Variants in UBAP2L observed in about 807,000 individuals in gnomAD.
UBAP2L encodes the protein ubiquitin associated protein 2 like.
In UBAP2L, 12 loss-of-function variants were observed where a neutral mutation model predicts 130.6. That is an observed-to-expected ratio of 0.09 (90% CI 0.06 to 0.15). The LOEUF (loss-of-function observed/expected upper bound fraction) is 0.15. UBAP2L is among the 10% of genes least tolerant of loss of function. UBAP2L has a pLI of 1.00. For missense variants in UBAP2L, 965 were observed against 1,332.5 expected, an observed-to-expected ratio of 0.72 and a Z score of 4.29; for synonymous variants, 503 against 524.7, an observed-to-expected ratio of 0.96 and a Z score of 0.57.
intron 5 of UBAP2L, 106 bp downstream of exon 5, chr1:154,234,865 T>G: frequency 1.4e-6 from 2 of 1,480,550 alleles, no homozygotes; most frequent in Non-Finnish European, 1.8e-6. Context: ...TATATTATCC[T>G]TTTGCTTTTC....
At position 154,251,227 on chromosome 1, in the gene UBAP2L, C is replaced by T. The variant is rs772226561; in HGVS notation, c.1400C>T (p.Ser467Leu). Reference sequence around the variant, plus strand: ...AAATCCACATCGGCTCCACAGATGTCGCCTGGATCTTCAGACAACCAGTCC... The same window carrying T: ...AAATCCACATCGGCTCCACAGATGTTGCCTGGATCTTCAGACAACCAGTCC... Reference protein sequence around the residue: ...PSKSTSAPQMSPGSSDNQSSS... With the variant: ...PSKSTSAPQMLPGSSDNQSSS... The change falls in exon 13 of 27, where the codon TCG (serine) becomes TTG (leucine). Residue 467 changes from serine (S) to leucine (L), a missense_variant. This residue lies in a region of UBAP2L where 74 missense variants were observed against 97.1 expected (regional missense o/e 0.76). Coordinates refer to ENST00000428931, the MANE Select transcript of UBAP2L (RefSeq NM_014847.4). The T allele has an allele frequency of 4.3e-6, 7 of 1,614,058 alleles. No homozygotes were observed. The highest frequency in any genetic ancestry group is 3.3e-5 in the Admixed American group (2 of 59,984).
intron 9 of UBAP2L, 67 bp downstream of exon 9, chr1:154,241,632 T>C (rs1314116275): frequency 2.5e-6 from 4 of 1,598,496 alleles, no homozygotes; most frequent in Admixed American, 1.7e-5. Flanking sequence ...GGATAGAAAA[T>C]GGGTATGTTT....
chr1:154,228,575 A>C, intron 3 of UBAP2L, 40 bp from the exon 4 acceptor site: 1 of 1,477,524 alleles, frequency 6.8e-7, no homozygotes, highest in Non-Finnish European at 9.5e-7. Context: ...GAGTGTGAGC[A>C]TAAGCCTGTT....
At chr1:154,271,194 T>C, downstream of UBAP2L, 1 of 420,214 alleles carries the variant, frequency 2.4e-6, no homozygotes, top group Non-Finnish European at 4.2e-6. Flanking sequence ...ATGGAGAGGA[T>C]CAAGAAGGAG....
At chr1:154,259,702 C>T (rs1680889540) in intron 21 of UBAP2L, 3 of 622,114 alleles carry the variant, frequency 4.8e-6, no homozygotes, top group African/African-American at 1.8e-5. Context: ...TATTGGTCCT[C>T]GTGGACTTTG....
chr1:154,253,501 A>C (rs886804937), intron 14 of UBAP2L, among the ~76,000 whole-genome samples: 6 of 143,850 alleles, frequency 4.2e-5, no homozygotes, highest in African/African-American at 1.3e-4. Context: ...TCTCCTGCCT[A>C]CTCCCAAGTA....
intron 23 of UBAP2L, 105 bp downstream of exon 23, chr1:154,261,214 AC>A: frequency 7.7e-7 from 1 of 1,301,020 alleles, no homozygotes; most frequent in Non-Finnish European, 1.0e-6. Context: ...ATGAGGAGGA[AC>A]AGTTTCCACC....
intron 1 of UBAP2L, among the ~76,000 whole-genome samples, chr1:154,222,809 T>G (rs1473142494): frequency 3.9e-5 from 6 of 152,190 alleles, no homozygotes; most frequent in Non-Finnish European, 7.4e-5. Context: ...AATAAATATT[T>G]GTTATTTAGT....
At position 154,259,938 on chromosome 1, in the gene UBAP2L, T is replaced by G; in HGVS notation, c.2497-10T>G. 6.2e-7 allele frequency: 1 copy of G among 1,613,734 alleles called. No individual in the cohort carries two copies. Among genetic ancestry groups the G allele is most frequent in the African/African-American group, 1.3e-5 (1 of 75,044 alleles). ...ATTGAATCTCTGCTCTTTTTTCCCC[T>G]CTTTTCTAGGATTACTACAGCATCC... On this transcript the variant is annotated splice_polypyrimidine_tract_variant and intron_variant, in intron 21 of 26. Transcript: ENST00000428931.
At chr1:154,241,752 A>G (rs1673697113) in intron 9 of UBAP2L, 187 bp downstream of exon 9, 5 of 985,422 alleles carry the variant, frequency 5.1e-6, no homozygotes, top group Non-Finnish European at 6.0e-6. Context: ...CTGGGCATGA[A>G]CAGGACTCTG....
intron 1 of UBAP2L, among the ~76,000 whole-genome samples, chr1:154,222,263 T>C (rs1666474777): frequency 6.6e-6 from 1 of 152,222 alleles, no homozygotes. Context: ...CCAGCGTTTC[T>C]AGAGAATTAA....
Position 154,243,302 on chromosome 1 carries a change from G to A in UBAP2L, c.842G>A (p.Arg281Lys). The part of the protein sequence containing the change: ...AENVTITAGQ[R>K]IDLAVLLGKT... ...AATGTGACAATCACTGCTGGTCAGAGGCAAGTGTGCAGTAAAATTTAGTAC... is the reference window on the plus strand; with the variant it reads ...AATGTGACAATCACTGCTGGTCAGAAGCAAGTGTGCAGTAAAATTTAGTAC... The change falls in exon 10 of 27, where the codon AGA becomes AAA. Residue 281 changes from arginine (R) to lysine (K), a missense_variant and splice_region_variant. Arg to Lys is a conservative substitution (Grantham distance 26, BLOSUM62 2). Coordinates refer to ENST00000428931, the MANE Select transcript of UBAP2L (RefSeq NM_014847.4). 1 of 1,610,886 alleles carries A rather than the reference G, an allele frequency of 6.2e-7. No homozygotes were observed. Among genetic ancestry groups the A allele is most frequent in the Non-Finnish European group, 8.5e-7 (1 of 1,177,712 alleles).
chr1:154,232,775 G>A (rs1161446427), intron 4 of UBAP2L, among the ~76,000 whole-genome samples: 1 of 151,930 alleles, frequency 6.6e-6, no homozygotes, highest in Admixed American at 6.6e-5. Context: ...ACGACTCACC[G>A]CAGCCTCAAT....
At chr1:154,264,078 G>A (rs1682480623) in intron 24 of UBAP2L, among the ~76,000 whole-genome samples, 1 of 152,178 alleles carries the variant, frequency 6.6e-6, no homozygotes, top group Admixed American at 6.5e-5. Context: ...GGATGTGCAG[G>A]AGCGGTTTGG....
chr1:154,242,066 T>C (rs1224883959), intron 9 of UBAP2L, among the ~76,000 whole-genome samples: 1 of 152,220 alleles, frequency 6.6e-6, no homozygotes, highest in Admixed American at 6.5e-5. Flanking sequence ...ATAATTGTGA[T>C]TGAGATGAAT....
intron 26 of UBAP2L, chr1:154,269,502 G>A (rs1684253792): frequency 5.3e-6 from 6 of 1,130,064 alleles, no homozygotes; most frequent in East Asian, 5.8e-5. Flanking sequence ...AAAAGACTGC[G>A]CGGTCACAAA....
chr1:154,254,077 G>A lies in UBAP2L; in HGVS notation c.1842G>A (p.Leu614=). The change falls in exon 15 of 27, where the codon CTG becomes CTA. Residue 614 remains leucine (L), a synonymous_variant. Transcript: ENST00000428931. The part of the protein sequence containing the change: ...SSISSSPQKD[L]TQAKNGFSSV... ...TCTCTTCATCACCCCAAAAGGACCT[G>A]ACTCAGGCAAAGGTAGTGGCTTCAT... is the stretch of plus-strand genomic sequence containing the variant. The A allele has an allele frequency of 6.4e-7, 1 of 1,562,882 alleles. No individual in the cohort carries two copies.
chr1:154,221,855 T>TA (rs1666265088), intron 1 of UBAP2L, among the ~76,000 whole-genome samples: 1 of 152,176 alleles, frequency 6.6e-6, no homozygotes, highest in Admixed American at 6.5e-5. Flanking sequence ...GAGGCCCCCA[T>TA]AGGGTGTATT....
Position 154,270,767 on chromosome 1 carries a change from T to G in UBAP2L, c.*472T>G, listed in dbSNP as rs1406126075. On this transcript the variant is annotated 3_prime_UTR_variant, in exon 27 of 27. Coordinates refer to ENST00000428931, the MANE Select transcript of UBAP2L (RefSeq NM_014847.4). ...ATGAATTAGTTGAAGTGGTTTTTTT[T>G]TTGTTTTTTTTTTTTTTTTGTACTG... The G allele has an allele frequency of 1.0e-6, 1 of 976,556 alleles. No homozygotes were observed. Among genetic ancestry groups the G allele is most frequent in the Non-Finnish European group, 1.3e-6 (1 of 758,436 alleles). 60.5% of individuals were successfully genotyped at this position (976,556 alleles called of 1,614,324 possible).
Sources: gnomAD v4.1 joint callset for allele counts (sites outside exome capture counted in the v4.1 genomes callset) on GRCh38, gnomAD v4.1.1 for gene constraint, gnomAD v4.1.1 regional missense constraint, MANE v1.5 for transcripts, NCBI Gene and HGNC (gene_info 2026-07-23, HGNC 2026-07-21) for gene names.